Variants in PCDHGA2 observed in about 807,000 individuals in gnomAD.
The protein encoded by PCDHGA2 is protocadherin gamma subfamily A, 2.
In PCDHGA2, 40 loss-of-function variants were observed where a neutral mutation model predicts 59.2. The observed-to-expected ratio is 0.68, with a 90% CI of 0.52 to 0.88. The LOEUF (loss-of-function observed/expected upper bound fraction) is 0.88. Among genes scored for constraint, PCDHGA2 ranks in the 40% least tolerant of loss-of-function variants. The pLI, the probability that PCDHGA2 is intolerant of heterozygous loss-of-function variation, is 0.00. For missense variants in PCDHGA2, 1,226 were observed against 1,204.0 expected (o/e 1.02, Z -0.27); for synonymous variants, 560 against 526.0 (o/e 1.06, Z -0.89).
Position 141,404,273 on chromosome 5 carries a change from C to A in PCDHGA2, c.2424+62878C>A, listed in dbSNP as rs751189949. 4.3e-6 allele frequency: 7 copies of A among 1,613,988 alleles called. No homozygotes were observed. The highest frequency in any genetic ancestry group is 5.9e-6 in the Non-Finnish European group (7 of 1,179,880). On this transcript the variant is annotated intron_variant, in intron 1 of 3. Coordinates refer to ENST00000394576, the MANE Select transcript of PCDHGA2 (RefSeq NM_018915.4). ...GTCCACAGAAATTCACATCACCCTG[C>A]AAGTGACTGACATCAATGATAATCC...
chr5:141,492,616 G>C (rs976681246), intron 1 of PCDHGA2, among the ~76,000 whole-genome samples: 2 of 152,252 alleles, frequency 1.3e-5, no homozygotes, highest in African/African-American at 4.8e-5. Context: ...CTAAGTGCCG[G>C]GCGGGCAGGA....
In PCDHGA2 at chr5:141,375,718, C is replaced by A. The variant is rs888006407; in HGVS notation, c.2424+34323C>A. 9 of 1,614,152 alleles carry A rather than the reference C, an allele frequency of 5.6e-6. No homozygotes were observed. Among genetic ancestry groups the A allele is most frequent in the African/African-American group, 1.3e-5 (1 of 74,952 alleles). ...GCGGGGACCCGCCTCTTAGCAGCAA[C>A]GTGTCACTGAGCCTGTTTGTGCTGG... On this transcript the variant is annotated intron_variant, in intron 1 of 3. Transcript: ENST00000394576.
intron 1 of PCDHGA2, among the ~76,000 whole-genome samples, chr5:141,381,395 C>T (rs1588899901): frequency 6.6e-6 from 1 of 152,328 alleles, no homozygotes; most frequent in South Asian, 2.1e-4. Flanking sequence ...TAGTTTTACT[C>T]TATCAACATC....
chr5:141,350,362 G>T, intron 1 of PCDHGA2: 1 of 1,572,076 alleles, frequency 6.4e-7, no homozygotes. Flanking sequence ...TCCGATACAC[G>T]ATTCCAGAGG....
At chr5:141,355,944 C>T (rs181172875) in intron 1 of PCDHGA2, 8 of 1,613,864 alleles carry the variant, frequency 5.0e-6, no homozygotes, top group Middle Eastern at 1.6e-4. Flanking sequence ...CCGAGTACCA[C>T]GTAAGTGTTC....
intron 2 of PCDHGA2, among the ~76,000 whole-genome samples, chr5:141,499,612 C>T (rs1489412444): frequency 6.6e-6 from 1 of 151,968 alleles, no homozygotes; most frequent in African/African-American, 2.4e-5. Context: ...TACCCTTATC[C>T]TGTCCTTGGA....
intron 1 of PCDHGA2, chr5:141,385,164 T>A (rs758100484): frequency 9.3e-6 from 15 of 1,614,168 alleles, no homozygotes; most frequent in Non-Finnish European, 1.3e-5. Flanking sequence ...CCTATTCCCA[T>A]GAGGTCTCCC....
chr5:141,393,533 G>T (rs1475648389), intron 1 of PCDHGA2: 2 of 1,613,950 alleles, frequency 1.2e-6, no homozygotes, highest in South Asian at 1.1e-5. Flanking sequence ...ACAATGCCCC[G>T]GTTTTTCCTC....
At chr5:141,427,826 G>A (rs550161736) in intron 1 of PCDHGA2, 2 of 1,536,500 alleles carry the variant, frequency 1.3e-6, no homozygotes, top group Admixed American at 3.3e-5. Flanking sequence ...TGGTGGTCGC[G>A]CAGCGTGCCT....
intron 1 of PCDHGA2, chr5:141,415,449 C>G: frequency 6.2e-7 from 1 of 1,614,182 alleles, no homozygotes; most frequent in Admixed American, 1.7e-5. Context: ...AGACCTATTC[C>G]CACGAGGTCT....
Position 141,394,271 on chromosome 5 carries a change from G to C in PCDHGA2, c.2424+52876G>C, listed in dbSNP as rs768847661. The stretch of plus-strand genomic sequence containing the variant: ...ACCCCGACAGCCAGGAGAATGCCCA[G>C]GTCACTTACTCTGTGACCGAGGACA... On this transcript the variant is annotated intron_variant, in intron 1 of 3. Transcript: ENST00000394576. 9 of 1,613,862 alleles carry C rather than the reference G, an allele frequency of 5.6e-6. No individual in the cohort carries two copies. In the South Asian group the frequency reaches 9.9e-5, roughly 18 times the overall value.
chr5:141,437,956 T>A (rs998689841), intron 1 of PCDHGA2, among the ~76,000 whole-genome samples: 6 of 152,178 alleles, frequency 3.9e-5, no homozygotes, highest in African/African-American at 1.4e-4. Context: ...CAGAATGGTC[T>A]TGATCTCTTG....
At chr5:141,420,250 A>G (rs757203976) in intron 1 of PCDHGA2, 2 of 1,578,784 alleles carry the variant, frequency 1.3e-6, no homozygotes, top group South Asian at 1.2e-5. Context: ...CCAGCGTTGA[A>G]GCAGATAAGA....
chr5:141,355,112 A>G, intron 1 of PCDHGA2: 1 of 1,510,090 alleles, frequency 6.6e-7, no homozygotes, highest in Non-Finnish European at 8.8e-7. Context: ...CTGTGAATGC[A>G]CTTTATTTTG....
intron 1 of PCDHGA2, chr5:141,410,849 CTTTTTT>C (rs759346998): frequency 3.0e-4 from 42 of 138,124 alleles, no homozygotes; most frequent in Middle Eastern, 4.3e-3. Context: ...TTGTCTTTGT[CTTTTTT>C]TTTTTTTTTT....
At chr5:141,361,499 C>A (rs1762048821) in intron 1 of PCDHGA2, 2 of 1,614,066 alleles carry the variant, frequency 1.2e-6, no homozygotes, top group Non-Finnish European at 1.7e-6. Flanking sequence ...TTCCAACAGA[C>A]TTCCTACATG....
chr5:141,372,194 C>A, intron 1 of PCDHGA2: 1 of 1,613,570 alleles, frequency 6.2e-7, no homozygotes, highest in Non-Finnish European at 8.5e-7. Flanking sequence ...ACTCGGGATA[C>A]AACGCCTGGC....
chr5:141,427,398 A>T (rs1040184910), intron 1 of PCDHGA2: 8 of 460,774 alleles, frequency 1.7e-5, no homozygotes, highest in Non-Finnish European at 3.5e-5. Context: ...AACACATGAT[A>T]AAGATTCGAG....
chr5:141,389,721 G>C (rs1477842058), intron 1 of PCDHGA2: 7 of 1,612,620 alleles, frequency 4.3e-6, no homozygotes, highest in Non-Finnish European at 5.1e-6. Context: ...TAGCGAGCCC[G>C]GGCTCTTCAG....
Sources: gnomAD v4.1 joint callset for allele counts (sites outside exome capture counted in the v4.1 genomes callset) on GRCh38, gnomAD v4.1.1 for gene constraint, MANE v1.5 for transcripts, NCBI Gene and HGNC (gene_info 2026-07-23, HGNC 2026-07-21) for gene names.